Variants in FRMPD2 observed in about 807,000 individuals in gnomAD.
The protein encoded by FRMPD2 is FERM and PDZ domain containing 2.
A neutral mutation model predicts 140.1 loss-of-function variants in FRMPD2; 96 were observed. The observed-to-expected ratio is 0.69, with a 90% confidence interval of 0.58 to 0.81. The LOEUF (loss-of-function observed/expected upper bound fraction) is 0.81. Ranked by LOEUF, FRMPD2 falls within the 40% of genes least tolerant of loss-of-function variation. The probability of loss-of-function intolerance (pLI) is 0.00; values close to 1 mark genes in which losing one functional copy is unlikely to be tolerated. For missense variants in FRMPD2, 1,240 were observed against 1,447.4 expected, an observed-to-expected ratio of 0.86 and a Z score of 2.32; for synonymous variants, 449 against 547.6, an observed-to-expected ratio of 0.82 and a Z score of 2.52.
At chr10:48,220,536 T>C (rs1031181259) in intron 12 of FRMPD2, among the ~76,000 whole-genome samples, 1 of 152,170 alleles carries the variant, frequency 6.6e-6, no homozygotes, top group Non-Finnish European at 1.5e-5. Context: ...AGACAAAGAC[T>C]TCATGACCAA....
At chr10:48,274,420 G>T (rs1840819628) in intron 1 of FRMPD2, 123 bp downstream of exon 1, 1 of 795,290 alleles carries the variant, frequency 1.3e-6, no homozygotes, top group Non-Finnish European at 2.1e-6. Context: ...ATACCACAAA[G>T]GGCACTGACA....
intron 14 of FRMPD2, among the ~76,000 whole-genome samples, chr10:48,203,515 G>A (rs568349640): frequency 3.3e-5 from 5 of 152,218 alleles, no homozygotes; most frequent in Non-Finnish European, 7.4e-5. Context: ...TTAGGTGGGC[G>A]CCATTACTCT....
intron 14 of FRMPD2, among the ~76,000 whole-genome samples, chr10:48,203,371 G>A (rs1260072364): frequency 2.6e-5 from 4 of 151,982 alleles, no homozygotes; most frequent in Admixed American, 6.6e-5. Flanking sequence ...GCAAACTTTC[G>A]CATAAGCAAG....
chr10:48,265,029 G>C (rs1259459066), intron 1 of FRMPD2, among the ~76,000 whole-genome samples: 2 of 152,064 alleles, frequency 1.3e-5, no homozygotes, highest in African/African-American at 4.8e-5. Context: ...TAAACCAATG[G>C]AACAGAATAG....
chr10:48,226,834 T>C (rs1839732946), intron 10 of FRMPD2, among the ~76,000 whole-genome samples: 1 of 152,258 alleles, frequency 6.6e-6, no homozygotes, highest in African/African-American at 2.4e-5. Context: ...AAAACATTTA[T>C]TATGCTTTTC....
Position 48,206,805 on chromosome 10 carries a change from G to C in FRMPD2, c.1740C>G (p.Asn580Lys). ...GAAACCGTAACATTGCAATTCTGCTGTTGTTTTTCACTTCATAGACTATGA... is the reference window on the plus strand; with the variant it reads ...GAAACCGTAACATTGCAATTCTGCTCTTGTTTTTCACTTCATAGACTATGA... ...KGVIVYEVKN[N>K]SRIAMLRFQW... The change falls in exon 14 of 29, where the codon AAC (asparagine) becomes AAG (lysine). Residue 580 changes from asparagine to lysine, a missense_variant. Around this residue, in one of 6 missense-constraint regions of FRMPD2, gnomAD observed 1,161 missense variants for 1,055.9 expected, o/e 1.10. Coordinates refer to ENST00000374201, the MANE Select transcript of FRMPD2 (RefSeq NM_001018071.4). The C allele has an allele frequency of 6.2e-7, 1 of 1,614,056 alleles. No individual in the cohort carries two copies.
intron 12 of FRMPD2, among the ~76,000 whole-genome samples, chr10:48,217,934 T>C (rs1185671225): frequency 1.3e-5 from 2 of 152,188 alleles, no homozygotes; most frequent in Non-Finnish European, 2.9e-5. Flanking sequence ...ACTAATCTAC[T>C]AGGGTTGCCA....
intron 13 of FRMPD2, among the ~76,000 whole-genome samples, chr10:48,210,239 A>G (rs892847092): frequency 5.9e-5 from 9 of 152,226 alleles, no homozygotes; most frequent in African/African-American, 2.2e-4. Flanking sequence ...GGCAGGCAAC[A>G]CCAGCATTAA....
intron 13 of FRMPD2, among the ~76,000 whole-genome samples, chr10:48,208,974 C>G (rs1291200415): frequency 1.3e-5 from 2 of 152,204 alleles, no homozygotes; most frequent in Non-Finnish European, 1.5e-5. Context: ...CTTATAACTC[C>G]ACCTGTGGGT....
chr10:48,197,023 C>A (rs138977474), intron 15 of FRMPD2, among the ~76,000 whole-genome samples: 4 of 152,370 alleles, frequency 2.6e-5, no homozygotes, highest in Non-Finnish European at 4.4e-5. Flanking sequence ...AATTAATTTA[C>A]ATTTGTCATC....
intron 10 of FRMPD2, among the ~76,000 whole-genome samples, chr10:48,224,863 A>G (rs1031908290): frequency 6.6e-6 from 1 of 152,224 alleles, no homozygotes; most frequent in African/African-American, 2.4e-5. Context: ...TAACAACACA[A>G]TTCCTAAAGA....
intron 12 of FRMPD2, among the ~76,000 whole-genome samples, chr10:48,214,719 C>T (rs1839406873): frequency 6.6e-6 from 1 of 152,152 alleles, no homozygotes; most frequent in African/African-American, 2.4e-5. Context: ...GTCAAGTACA[C>T]TTATTTTTAT....
chr10:48,201,933 T>TA (rs113586266), intron 14 of FRMPD2, among the ~76,000 whole-genome samples: 1,933 of 144,424 alleles, frequency 0.013, 25 homozygotes, highest in African/African-American at 0.04. Flanking sequence ...ATTCTACAGA[T>TA]AAAAAAAAAA....
At chr10:48,236,430 G>A (rs1839968853) in intron 9 of FRMPD2, 52 bp downstream of exon 9, 2 of 1,526,262 alleles carry the variant, frequency 1.3e-6, no homozygotes, top group Admixed American at 1.7e-5. Flanking sequence ...TCCCGCAACT[G>A]CCCACTTCCC....
intron 12 of FRMPD2, among the ~76,000 whole-genome samples, chr10:48,215,567 G>A (rs996267690): frequency 1.2e-4 from 18 of 152,200 alleles, no homozygotes; most frequent in Non-Finnish European, 8.8e-5. Flanking sequence ...AGACTAAGTG[G>A]TTGTATAAAT....
chr10:48,173,336 C>T (rs1838317419), intron 24 of FRMPD2, among the ~76,000 whole-genome samples: 1 of 151,838 alleles, frequency 6.6e-6, no homozygotes, highest in Admixed American at 6.6e-5. Flanking sequence ...ATCTTCCTCC[C>T]CTCACTCACC....
chr10:48,256,224 C>T (rs1284917735), intron 1 of FRMPD2, among the ~76,000 whole-genome samples: 1 of 151,934 alleles, frequency 6.6e-6, no homozygotes, highest in East Asian at 1.9e-4. Context: ...TGCCCCCCCA[C>T]CCAGGAAGAA....
intron 12 of FRMPD2, among the ~76,000 whole-genome samples, chr10:48,219,543 T>G (rs1839532395): frequency 2.0e-5 from 3 of 152,166 alleles, no homozygotes; most frequent in Admixed American, 2.0e-4. Flanking sequence ...TTCCCAAGCC[T>G]TTCCCTTCAT....
intron 12 of FRMPD2, among the ~76,000 whole-genome samples, chr10:48,221,444 G>C (rs920385934): frequency 5.3e-5 from 8 of 152,274 alleles, no homozygotes; most frequent in African/African-American, 1.9e-4. Context: ...GGAAAGGGTT[G>C]GGAGGATGAG....
Sources: allele counts gnomAD v4.1 joint callset (sites outside exome capture counted in the v4.1 genomes callset), GRCh38; gene constraint gnomAD v4.1.1; regional missense constraint gnomAD v4.1.1; transcripts MANE v1.5; gene names NCBI Gene and HGNC (gene_info 2026-07-23, HGNC 2026-07-21).